C1QTNF3: variants seen among roughly 807,000 people sequenced by gnomAD.
The protein encoded by C1QTNF3 is complement C1q tumor necrosis factor-related protein 3.
Under a neutral mutation model 32.6 loss-of-function variants are expected in C1QTNF3, and 26 were observed. The ratio of observed to expected loss-of-function variants is 0.80; its 90% CI spans 0.58 to 1.11. C1QTNF3 has a LOEUF of 1.11. Among genes scored for constraint, C1QTNF3 ranks in the 50% least tolerant of loss-of-function variants. C1QTNF3 has a pLI of 0.00. For synonymous variants in C1QTNF3, 155 were observed against 146.0 expected (o/e 1.06, Z -0.44); for missense variants, 362 against 398.2 (o/e 0.91, Z 0.77).
At chr5:34,104,974 T>C in the C1QTNF3 span, among the ~76,000 whole-genome samples, 1 of 152,084 alleles carries the variant, frequency 6.6e-6, no homozygotes. Context: ...TATTCTAATT[T>C]ATTTCAGCAA....
the C1QTNF3 span, among the ~76,000 whole-genome samples, chr5:34,170,537 G>A: frequency 5.3e-5 from 8 of 152,038 alleles, no homozygotes; most frequent in African/African-American, 1.4e-4. Flanking sequence ...TATCGGGGGT[G>A]TTTGCATATG....
At chr5:34,037,448 CCTTA>C (rs1343365037) in intron 1 of C1QTNF3, among the ~76,000 whole-genome samples, 5 of 152,164 alleles carry the variant, frequency 3.3e-5, no homozygotes, top group African/African-American at 1.2e-4. Context: ...AACACTTAGA[CCTTA>C]CTTTCTTTTC....
the C1QTNF3 span, among the ~76,000 whole-genome samples, chr5:34,105,501 T>A: frequency 2.0e-5 from 3 of 151,866 alleles, no homozygotes; most frequent in African/African-American, 7.3e-5. Flanking sequence ...TTCTTCTGCA[T>A]ATGGAAAAAG....
chr5:34,057,161 G>A, the C1QTNF3 span, among the ~76,000 whole-genome samples: 1 of 152,106 alleles, frequency 6.6e-6, no homozygotes, highest in Non-Finnish European at 1.5e-5. Context: ...ATTGACATGC[G>A]ACAAACAGCG....
the C1QTNF3 span, among the ~76,000 whole-genome samples, chr5:34,155,788 T>C: frequency 1.4e-5 from 2 of 148,092 alleles, no homozygotes; most frequent in Non-Finnish European, 3.0e-5. Flanking sequence ...TACATGAATA[T>C]GGTACAGTAT....
the C1QTNF3 span, among the ~76,000 whole-genome samples, chr5:34,056,581 T>C: frequency 9.1e-3 from 1,355 of 149,516 alleles, 13 homozygotes; most frequent in South Asian, 0.053. Flanking sequence ...GGTATAATCA[T>C]GGTTCCCTGC....
the C1QTNF3 span, among the ~76,000 whole-genome samples, chr5:34,052,146 AT>A: frequency 2.0e-5 from 3 of 152,128 alleles, no homozygotes; most frequent in African/African-American, 4.8e-5. Flanking sequence ...TTAAAAAAAA[AT>A]GTACTCCAAG....
At chr5:34,123,305 T>G in the C1QTNF3 span, among the ~76,000 whole-genome samples, 1 of 152,194 alleles carries the variant, frequency 6.6e-6, no homozygotes, top group Non-Finnish European at 1.5e-5. Flanking sequence ...CCTGTTGGTG[T>G]TGGACTTGAT....
chr5:34,086,863 C>T, the C1QTNF3 span, among the ~76,000 whole-genome samples: 1 of 148,180 alleles, frequency 6.7e-6, no homozygotes, highest in Non-Finnish European at 1.5e-5. Flanking sequence ...TTTCCTGTGC[C>T]CTTGGGTGCA....
chr5:34,122,652 G>GGA, the C1QTNF3 span, among the ~76,000 whole-genome samples: 4 of 152,200 alleles, frequency 2.6e-5, no homozygotes, highest in Middle Eastern at 3.2e-3. Flanking sequence ...AGCAGATTCA[G>GGA]CCTATCTACA....
chr5:34,045,611 G>A (rs528566574), upstream of C1QTNF3, among the ~76,000 whole-genome samples: 1 of 152,302 alleles, frequency 6.6e-6, no homozygotes, highest in East Asian at 1.9e-4. Flanking sequence ...CAGAGGTAAA[G>A]TGACTTGTCT....
rs753045172 is a variant in C1QTNF3 at position 34,020,649 on chromosome 5, G to A, written c.894C>T (p.Gly298=). 62 of 1,614,024 alleles carry A rather than the reference G, an allele frequency of 3.8e-5. No individual in the cohort carries two copies. In the Middle Eastern group the frequency reaches 8.2e-4, roughly 21 times the overall value. ...GDEVWLRMGN[G]ALHGDHQRFS... ...AGCGTTGGTGGTCCCCATGGAGAGC[G>A]CCATTGCCCATTCGCAGCCAAACCT... Residue 298 remains glycine (G), a synonymous_variant, in exon 6 of 6, where the codon GGC becomes GGT. Coordinates refer to ENST00000382065, the MANE Select transcript of C1QTNF3 (RefSeq NM_181435.6).
the C1QTNF3 span, among the ~76,000 whole-genome samples, chr5:34,194,324 G>T: frequency 1.3e-5 from 2 of 152,232 alleles, no homozygotes; most frequent in Admixed American, 6.5e-5. Context: ...TATATTCAAA[G>T]TTCCAAAGAA....
chr5:34,063,207 T>C, the C1QTNF3 span, among the ~76,000 whole-genome samples: 1 of 152,122 alleles, frequency 6.6e-6, no homozygotes, highest in African/African-American at 2.4e-5. Context: ...CTTAACTACT[T>C]GTATATCTCT....
the C1QTNF3 span, among the ~76,000 whole-genome samples, chr5:34,207,264 G>A: frequency 7.5e-6 from 1 of 134,062 alleles, no homozygotes; most frequent in Non-Finnish European, 1.5e-5. Flanking sequence ...GTGTGATGTG[G>A]TCAAATTTGA....
chr5:34,026,436 C>T lies in C1QTNF3; in HGVS notation c.700+2318G>A, dbSNP rs192064487. Among the ~76,000 whole-genome samples, 692 of 143,394 alleles carry T rather than the reference C, an allele frequency of 4.8e-3. 3 individuals are homozygous for T. The highest frequency in any genetic ancestry group is 7.8e-3 in the African/African-American group (296 of 37,984). 94.1% of individuals were successfully genotyped at this position (143,394 alleles called of 152,430 possible). On this transcript the variant is annotated intron_variant, in intron 4 of 5. Coordinates refer to ENST00000382065, the MANE Select transcript of C1QTNF3 (RefSeq NM_181435.6). ...GATGTGGAAAGAGGACCTGCAGTGGCCAATCTCAAAATCTGCCAGCAAAAA... is the reference window on the plus strand; with the variant it reads ...GATGTGGAAAGAGGACCTGCAGTGGTCAATCTCAAAATCTGCCAGCAAAAA...
the C1QTNF3 span, among the ~76,000 whole-genome samples, chr5:34,208,559 G>C: frequency 6.6e-6 from 1 of 151,738 alleles, no homozygotes; most frequent in African/African-American, 2.4e-5. Flanking sequence ...GAAGAAGAAT[G>C]TGGGGTGTAA....
At chr5:34,048,552 G>A in the C1QTNF3 span, among the ~76,000 whole-genome samples, 18 of 152,132 alleles carry the variant, frequency 1.2e-4, no homozygotes, top group African/African-American at 1.7e-4. Context: ...TGTGTAGGGG[G>A]CACTGCCCAA....
chr5:34,055,606 A>G, the C1QTNF3 span, among the ~76,000 whole-genome samples: 97 of 152,326 alleles, frequency 6.4e-4, no homozygotes, highest in Non-Finnish European at 1.1e-3. Context: ...TAAATTGTCA[A>G]CCTAATCAAA....
Sources: allele counts gnomAD v4.1 joint callset (sites outside exome capture counted in the v4.1 genomes callset), GRCh38; gene constraint gnomAD v4.1.1; transcripts MANE v1.5; gene names NCBI Gene and HGNC (gene_info 2026-07-23, HGNC 2026-07-21).